The following FAM193A variants were observed in gnomAD, a reference collection of about 807,000 sequenced individuals.
FAM193A encodes family with sequence similarity 193 member A, also known as protein FAM193A.
Under a neutral mutation model 126.5 loss-of-function variants are expected in FAM193A, and 22 were observed. The ratio of observed to expected loss-of-function variants is 0.17; its 90% confidence interval spans 0.12 to 0.25. The LOEUF is 0.25. Among genes scored for constraint, FAM193A ranks in the 10% least tolerant of loss-of-function variants. FAM193A has a pLI of 1.00. For missense variants in FAM193A, 1,675 were observed against 1,672.8 expected (o/e 1.00, Z -0.02); for synonymous variants, 761 against 646.8 (o/e 1.18, Z -2.68).
chr4:2,555,219 G>A (rs1738181212), intron 1 of FAM193A, among the ~76,000 whole-genome samples: 1 of 152,154 alleles, frequency 6.6e-6, no homozygotes, highest in Admixed American at 6.6e-5. Flanking sequence ...TGAACATGGT[G>A]ACACAAGCCA....
chr4:2,575,879 A>G lies in FAM193A; in HGVS notation c.256-20205A>G, dbSNP rs781586919. Among the ~76,000 whole-genome samples, 5 of 152,242 alleles carry G rather than the reference A, an allele frequency of 3.3e-5. No individual in the cohort carries two copies. The South Asian group carries it at 1.0e-3, about 32-fold the overall frequency. On this transcript the variant is annotated intron_variant, in intron 1 of 20. Transcript: ENST00000637812. ...TTCACTGGTGGACACTATCTTCCCT[A>G]AATGTTCTTGTGTGTTGCTTGCCAT... is the stretch of plus-strand genomic sequence containing the variant.
chr4:2,659,907 T>G lies in FAM193A; in HGVS notation c.1598T>G (p.Leu533Arg). 6.2e-7 allele frequency: 1 copy of G among 1,614,132 alleles called. No homozygotes were observed. Among genetic ancestry groups the G allele is most frequent in the Non-Finnish European group, 8.5e-7 (1 of 1,180,020 alleles). The change falls in exon 10 of 21, where the codon CTT becomes CGT. Residue 533 changes from leucine to arginine, a missense_variant. Physicochemically the swap from Leu to Arg is moderately radical, Grantham distance 102. This residue lies in a region of FAM193A where 1,186 missense variants were observed against 1,109.2 expected (regional missense o/e 1.07). Coordinates refer to ENST00000637812, the MANE Select transcript of FAM193A (RefSeq NM_001366318.2). ...GACATCCACATTCACCAGCTCCCAC[T>G]TCAAGTGGATCCTGCTCCTGACTAT... ...TDDIHIHQLP[L>R]QVDPAPDYLA... is the part of the protein sequence containing the mutation.
intron 13 of FAM193A, among the ~76,000 whole-genome samples, chr4:2,683,269 C>T (rs575144789): frequency 6.6e-6 from 1 of 151,426 alleles, no homozygotes; most frequent in South Asian, 2.1e-4. Flanking sequence ...CACCCAGCTG[C>T]TTTCAAGATT....
At chr4:2,683,254 G>GC (rs1715353540) in intron 13 of FAM193A, among the ~76,000 whole-genome samples, 1 of 150,714 alleles carries the variant, frequency 6.6e-6, no homozygotes, top group Admixed American at 6.6e-5. Context: ...AGGTCCACTT[G>GC]CCCCCACCCA....
intron 20 of FAM193A, among the ~76,000 whole-genome samples, chr4:2,723,363 C>T (rs949613382): frequency 3.9e-5 from 6 of 151,986 alleles, no homozygotes; most frequent in Non-Finnish European, 7.4e-5. Context: ...ATCATGAGGT[C>T]AGGAGTTCAA....
At chr4:2,572,887 A>T (rs931366846) in intron 1 of FAM193A, among the ~76,000 whole-genome samples, 3 of 151,650 alleles carry the variant, frequency 2.0e-5, no homozygotes, top group African/African-American at 7.3e-5. Flanking sequence ...GAGAGGCGAC[A>T]GTGGCGATGG....
chr4:2,701,988 TCTCAAACTCCCGAC>T (rs1040762870), intron 19 of FAM193A, among the ~76,000 whole-genome samples: 2 of 152,136 alleles, frequency 1.3e-5, no homozygotes, highest in African/African-American at 4.8e-5. Flanking sequence ...GTCAGGCTGG[TCTCAAACTCCCGAC>T]CTCAGTTGAT....
At chr4:2,683,292 TTTTTTTG>T (rs1172906313) in intron 13 of FAM193A, among the ~76,000 whole-genome samples, 6 of 151,998 alleles carry the variant, frequency 3.9e-5, no homozygotes, top group African/African-American at 1.4e-4. Flanking sequence ...CTCTTTTTTT[TTTTTTTG>T]TTTTTTGTTT....
At chr4:2,616,674 C>T (rs981313535) in intron 2 of FAM193A, among the ~76,000 whole-genome samples, 1 of 151,974 alleles carries the variant, frequency 6.6e-6, no homozygotes, top group Non-Finnish European at 1.5e-5. Context: ...ATTCTCCCAC[C>T]TCAGCCTCCC....
chr4:2,715,932 T>G, intron 19 of FAM193A, 91 bp from the exon 20 acceptor site: 1 of 826,796 alleles, frequency 1.2e-6, no homozygotes, highest in Non-Finnish European at 2.1e-6. Flanking sequence ...TTTGAAGTTG[T>G]TTAAATTGAG....
chr4:2,611,496 A>G (rs1020479825), intron 2 of FAM193A, among the ~76,000 whole-genome samples: 1 of 149,248 alleles, frequency 6.7e-6, no homozygotes, highest in African/African-American at 2.5e-5. Flanking sequence ...CTGGTCTTGA[A>G]CTCCCGACCT....
intron 7 of FAM193A, among the ~76,000 whole-genome samples, chr4:2,648,656 C>A (rs1238652970): frequency 6.6e-6 from 1 of 152,226 alleles, no homozygotes; most frequent in Non-Finnish European, 1.5e-5. Flanking sequence ...ATCCCAGGGG[C>A]TGCAGCTGTG....
chr4:2,539,130 G>T (rs568258707), intron 1 of FAM193A, among the ~76,000 whole-genome samples: 1 of 152,136 alleles, frequency 6.6e-6, no homozygotes, highest in African/African-American at 2.4e-5. Context: ...CTGACCTCCT[G>T]ATCCACCTGC....
intron 1 of FAM193A, among the ~76,000 whole-genome samples, chr4:2,590,276 C>T (rs887006726): frequency 2.6e-5 from 4 of 151,104 alleles, no homozygotes; most frequent in African/African-American, 9.7e-5. Flanking sequence ...TCGAGACCAT[C>T]CTGGCCAACG....
intron 2 of FAM193A, among the ~76,000 whole-genome samples, chr4:2,622,243 C>T (rs1445615877): frequency 1.7e-5 from 2 of 115,140 alleles, no homozygotes; most frequent in Admixed American, 1.3e-4. Context: ...GGTGATAGAG[C>T]GAGACCCTGT....
chr4:2,564,268 A>T (rs1031051968), intron 1 of FAM193A, among the ~76,000 whole-genome samples: 3 of 151,876 alleles, frequency 2.0e-5, no homozygotes, highest in Non-Finnish European at 2.9e-5. Context: ...TTTTTTGTAG[A>T]GACGGGGTCT....
upstream of FAM193A, among the ~76,000 whole-genome samples, chr4:2,535,876 G>T (rs1736846980): frequency 6.6e-6 from 1 of 152,114 alleles, no homozygotes; most frequent in Middle Eastern, 3.2e-3. Flanking sequence ...GAACCGACCG[G>T]CGTGTCCCAG....
chr4:2,704,887 T>C (rs114433415), intron 19 of FAM193A, among the ~76,000 whole-genome samples: 2,510 of 152,334 alleles, frequency 0.016, 36 homozygotes, highest in Non-Finnish European at 0.024. Flanking sequence ...ACTAGGTTTT[T>C]GGTCTTTTCC....
At chr4:2,605,467 C>T (rs1741480965) in intron 2 of FAM193A, among the ~76,000 whole-genome samples, 1 of 152,170 alleles carries the variant, frequency 6.6e-6, no homozygotes, top group Admixed American at 6.6e-5. Context: ...TCTTGTTTCT[C>T]TATTTTCATT....
Sources: allele counts gnomAD v4.1 joint callset (sites outside exome capture counted in the v4.1 genomes callset), GRCh38; gene constraint gnomAD v4.1.1; regional missense constraint gnomAD v4.1.1; transcripts MANE v1.5; gene names NCBI Gene and HGNC (gene_info 2026-07-23, HGNC 2026-07-21).